Variants in SLC39A10 observed in about 807,000 individuals in gnomAD.
SLC39A10 encodes the protein zinc transporter ZIP10.
A neutral mutation model predicts 65.1 loss-of-function variants in SLC39A10; 13 were observed. The observed-to-expected ratio is 0.20, with a 90% CI of 0.13 to 0.32. The LOEUF (loss-of-function observed/expected upper bound fraction) is 0.32. SLC39A10 is among the 10% of genes least tolerant of loss of function. SLC39A10 has a pLI of 1.00. For synonymous variants in SLC39A10, 321 were observed against 342.2 expected (o/e 0.94, Z 0.68); for missense variants, 831 against 1,018.4 (o/e 0.82, Z 2.50).
chr2:195,694,816 AG>A (rs2105792398), intron 3 of SLC39A10, among the ~76,000 whole-genome samples: 1 of 152,298 alleles, frequency 6.6e-6, no homozygotes, highest in South Asian at 2.1e-4. Flanking sequence ...AGAGCTCCCA[AG>A]AGATTATGTC....
At chr2:195,617,985 C>G (rs1416169995) in intron 2 of SLC39A10, among the ~76,000 whole-genome samples, 1 of 151,236 alleles carries the variant, frequency 6.6e-6, no homozygotes, top group Admixed American at 6.6e-5. Flanking sequence ...GTGATCCGCC[C>G]ACCTTGGCCT....
intron 8 of SLC39A10, among the ~76,000 whole-genome samples, chr2:195,721,072 G>T (rs1484131107): frequency 6.6e-6 from 1 of 152,138 alleles, no homozygotes; most frequent in Non-Finnish European, 1.5e-5. Context: ...CTCCTGAGTA[G>T]CTGGGACTAC....
At chr2:195,679,903 A>C (rs1039821031) in intron 1 of SLC39A10, 129 bp from the exon 2 acceptor site, 1 of 652,326 alleles carries the variant, frequency 1.5e-6, no homozygotes, top group African/African-American at 1.8e-5. Flanking sequence ...TCTGGTTCTT[A>C]ACATATTTTA....
intron 4 of SLC39A10, among the ~76,000 whole-genome samples, chr2:195,707,952 T>C (rs1437172464): frequency 1.3e-5 from 2 of 152,218 alleles, no homozygotes; most frequent in Admixed American, 6.5e-5. Flanking sequence ...GTGATACTTG[T>C]ACATTTCATA....
At chr2:195,657,391 CCGGGGAGTCGGGGCTGGTTCCCT>C (rs1689187188) in intron 1 of SLC39A10, 110 bp downstream of exon 1, 1 of 985,408 alleles carries the variant, frequency 1.0e-6, no homozygotes, top group Admixed American at 6.1e-5. Context: ...GAGAACAGAA[CCGGGGAGTCGGGGCTGGTTCCCT>C]CGGGGATGCG....
At chr2:195,661,769 C>T (rs1689407102) in intron 1 of SLC39A10, among the ~76,000 whole-genome samples, 2 of 152,140 alleles carry the variant, frequency 1.3e-5, no homozygotes, top group Admixed American at 1.3e-4. Flanking sequence ...TAGGATGCTA[C>T]TGGTGATACA....
chr2:195,660,648 T>G (rs1302160177), intron 1 of SLC39A10, among the ~76,000 whole-genome samples: 2 of 152,220 alleles, frequency 1.3e-5, no homozygotes, highest in Non-Finnish European at 1.5e-5. Flanking sequence ...CTGATTGCTT[T>G]TAGCCCCCAG....
intron 1 of SLC39A10, among the ~76,000 whole-genome samples, chr2:195,664,724 C>G (rs1482228409): frequency 6.6e-6 from 1 of 152,026 alleles, no homozygotes; most frequent in Non-Finnish European, 1.5e-5. Flanking sequence ...GGCAGTATAA[C>G]CAAGCTTAAT....
intron 8 of SLC39A10, among the ~76,000 whole-genome samples, chr2:195,723,673 C>A (rs1019920407): frequency 3.3e-5 from 5 of 152,072 alleles, no homozygotes; most frequent in Admixed American, 2.6e-4. Flanking sequence ...ACATCTTGGT[C>A]TATCACAATT....
rs139809654 is a variant in SLC39A10, at chr2:195,642,525, A to G, written c.-12+36292A>G. On this transcript the variant is annotated intron_variant, in intron 2 of 2. Transcript: ENST00000458054. ...ACATTTTAAATTATCCAAGCGTAACATTTGCATGTGAAACAGAGAAGTCCA... is the reference window on the plus strand; with the variant it reads ...ACATTTTAAATTATCCAAGCGTAACGTTTGCATGTGAAACAGAGAAGTCCA... 2.4e-3 allele frequency among the ~76,000 whole-genome samples: 358 copies of G among 152,328 alleles called. 6 individuals carry two copies. Among genetic ancestry groups the G allele is most frequent in the African/African-American group, 8.3e-3 (343 of 41,568 alleles).
chr2:195,687,075 C>T (rs948481301), intron 3 of SLC39A10, among the ~76,000 whole-genome samples: 1 of 151,990 alleles, frequency 6.6e-6, no homozygotes, highest in Admixed American at 6.6e-5. Context: ...GATTTGAATT[C>T]TGATCTTCGA....
At chr2:195,713,699 C>T (rs1412240460) in intron 6 of SLC39A10, 146 bp downstream of exon 6, 6 of 994,096 alleles carry the variant, frequency 6.0e-6, no homozygotes, top group Non-Finnish European at 8.4e-6. Context: ...AAAGGTGTTA[C>T]CCTCATAGCA....
Position 195,669,877 on chromosome 2 carries a change from T to G in SLC39A10, c.-11-10155T>G, listed in dbSNP as rs1435080058. Among the ~76,000 whole-genome samples, 6 of 152,120 alleles carry G rather than the reference T, an allele frequency of 3.9e-5. 1 individual carries two copies. Among genetic ancestry groups the G allele is most frequent in the Admixed American group, 2.0e-4 (3 of 15,250 alleles). ...AATAAATGTCTTTAAAAAAGGTTTT[T>G]GAGCTGGGCGCTGTGACTCACACCT... is the stretch of plus-strand genomic sequence containing the variant. On this transcript the variant is annotated intron_variant, in intron 1 of 9. Transcript: ENST00000359634.
At chr2:195,689,119 T>TA (rs1423367792) in intron 3 of SLC39A10, among the ~76,000 whole-genome samples, 1 of 152,180 alleles carries the variant, frequency 6.6e-6, no homozygotes, top group African/African-American at 2.4e-5. Flanking sequence ...GATTAAAAAT[T>TA]AGAGGACTGG....
chr2:195,703,383 T>C (rs1458417923), intron 3 of SLC39A10, among the ~76,000 whole-genome samples: 1 of 152,204 alleles, frequency 6.6e-6, no homozygotes, highest in East Asian at 1.9e-4. Context: ...AACTATGTTA[T>C]AATATTTCCA....
intron 2 of SLC39A10, among the ~76,000 whole-genome samples, chr2:195,646,551 A>T (rs1688921303): frequency 6.6e-6 from 1 of 152,104 alleles, no homozygotes; most frequent in South Asian, 2.1e-4. Flanking sequence ...CTAAGGAGGA[A>T]TCCATTTCCT....
In SLC39A10 at chr2:195,680,902, G is replaced by T; in HGVS notation, c.860G>T (p.Gly287Val). ...CATGTACATCTTCCAGAACGTAATG[G>T]TCATGATCCTGGTCGTGGACACCAA... Reference protein sequence around the residue: ...HSHVHLPERNGHDPGRGHQDL... With the variant: ...HSHVHLPERNVHDPGRGHQDL... The change falls in exon 2 of 10, where the codon GGT (glycine) becomes GTT (valine). Residue 287 changes from glycine (G) to valine (V), a missense_variant. Around this residue, in one of 4 missense-constraint regions of SLC39A10, gnomAD observed 446 missense variants for 499.2 expected, o/e 0.89. Coordinates refer to ENST00000359634, the MANE Select transcript of SLC39A10 (RefSeq NM_020342.3). 1.2e-6 allele frequency: 2 copies of T among 1,614,110 alleles called. No homozygotes were observed. The highest frequency in any genetic ancestry group is 1.7e-6 in the Non-Finnish European group (2 of 1,180,028).
chr2:195,723,709 G>A (rs976260444), intron 8 of SLC39A10, among the ~76,000 whole-genome samples: 10 of 151,650 alleles, frequency 6.6e-5, no homozygotes, highest in African/African-American at 2.2e-4. Flanking sequence ...TTGATGTTGA[G>A]TAATGTGTTT....
chr2:195,710,159 A>C (rs1273158523), intron 5 of SLC39A10, among the ~76,000 whole-genome samples: 1 of 152,204 alleles, frequency 6.6e-6, no homozygotes, highest in Non-Finnish European at 1.5e-5. Flanking sequence ...ATATCTAAGA[A>C]GAATTATCCT....
Sources: allele counts gnomAD v4.1 joint callset (sites outside exome capture counted in the v4.1 genomes callset), GRCh38; gene constraint gnomAD v4.1.1; regional missense constraint gnomAD v4.1.1; transcripts MANE v1.5; gene names NCBI Gene and HGNC (gene_info 2026-07-23, HGNC 2026-07-21).